Variants in PCDHA11 observed in about 807,000 individuals in gnomAD.
The protein encoded by PCDHA11 is protocadherin alpha 11.
In PCDHA11, 61 loss-of-function variants were observed where a neutral mutation model predicts 70.3. The ratio of observed to expected loss-of-function variants is 0.87; its 90% CI spans 0.71 to 1.07. PCDHA11 has a LOEUF of 1.07. Among genes scored for constraint, PCDHA11 ranks in the 50% least tolerant of loss-of-function variants. The probability of loss-of-function intolerance (pLI) is 0.00; values close to 1 mark genes in which losing one functional copy is unlikely to be tolerated. For synonymous variants in PCDHA11, 633 were observed against 555.1 expected (o/e 1.14, Z -1.97); for missense variants, 1,324 against 1,237.5 (o/e 1.07, Z -1.05).
Position 140,883,665 on chromosome 5 carries a change from A to G in PCDHA11, c.2391+12171A>G, listed in dbSNP as rs782383703. 3.7e-6 allele frequency: 6 copies of G among 1,613,494 alleles called. No individual in the cohort carries two copies. The African/African-American group carries it at 8.0e-5, about 22-fold the overall frequency. On this transcript the variant is annotated intron_variant, in intron 1 of 3. Transcript: ENST00000398640. ...CCCGAGTACACGGTGTTCGTGAAGG[A>G]AAACAATCCGCCGGGCTGCCACATC...
intron 1 of PCDHA11, among the ~76,000 whole-genome samples, chr5:140,926,081 T>C (rs2153580512): frequency 6.6e-6 from 1 of 152,334 alleles, no homozygotes; most frequent in Admixed American, 6.5e-5. Flanking sequence ...TCTATTGCCC[T>C]CTTGGCAGCT....
At position 140,877,744 on chromosome 5, in the gene PCDHA11, G is replaced by T. The variant is rs200651425; in HGVS notation, c.2391+6250G>T. ...TTACTCGCAGCAGAGGAGGCAGAGG[G>T]TGTGCTCTGCAGAGAGCCCGCCCAA... On this transcript the variant is annotated intron_variant, in intron 1 of 3. Coordinates refer to ENST00000398640, the MANE Select transcript of PCDHA11 (RefSeq NM_018902.5). The T allele has an allele frequency of 3.3e-3, 5,393 of 1,614,198 alleles. 26 individuals carry two copies. Among genetic ancestry groups the T allele is most frequent in the South Asian group, 0.011 (995 of 91,084 alleles).
Position 140,869,675 on chromosome 5 carries a change from G to C in PCDHA11, c.572G>C (p.Arg191Thr), listed in dbSNP as rs1040647730. 3 of 1,613,268 alleles carry C rather than the reference G, an allele frequency of 1.9e-6. No homozygotes were observed. The South Asian group carries it at 3.3e-5, about 18-fold the overall frequency. ...DSPTNGKQIK[R>T]LSLILKKSLD... is the part of the protein sequence containing the mutation. Reference sequence around the variant, plus strand: ...CCAACAAATGGTAAGCAGATTAAAAGACTGTCACTTATTTTAAAGAAGTCT... The same window carrying C: ...CCAACAAATGGTAAGCAGATTAAAACACTGTCACTTATTTTAAAGAAGTCT... Residue 191 changes from arginine to threonine, a missense_variant, in exon 1 of 4, where the codon AGA (arginine) becomes ACA (threonine). By Grantham distance (71) the Arg-to-Thr change is moderately conservative. Transcript: ENST00000398640.
At chr5:140,971,689 T>C (rs149234216) in intron 1 of PCDHA11, among the ~76,000 whole-genome samples, 1 of 152,306 alleles carries the variant, frequency 6.6e-6, no homozygotes, top group East Asian at 1.9e-4. Context: ...GAATTTGTAC[T>C]CACTAACCAC....
chr5:140,887,456 A>G (rs1291884808), intron 1 of PCDHA11, among the ~76,000 whole-genome samples: 1 of 152,138 alleles, frequency 6.6e-6, no homozygotes, highest in Non-Finnish European at 1.5e-5. Flanking sequence ...CAGTTTTTTA[A>G]AAGATATAAT....
rs1246532449 is a variant in PCDHA11, at chr5:140,871,438, C to G, written c.2335C>G (p.Leu779Val). ...CTTCAGCCCCAGTCTTCCTCTAGGT[C>G]TGAATAAAGAGGAGGAAGGGGAAAG... ...MAFSPSLPLG[L>V]NKEEEGERQE... The change falls in exon 1 of 4, where the codon CTG becomes GTG. Residue 779 changes from leucine to valine, a missense_variant. By Grantham distance (32) the Leu-to-Val change is conservative (BLOSUM62 1). Transcript: ENST00000398640. The G allele has an allele frequency of 1.9e-6, 3 of 1,611,836 alleles. No individual in the cohort carries two copies. The highest frequency in any genetic ancestry group is 1.7e-4 in the Middle Eastern group (1 of 6,060).
intron 1 of PCDHA11, chr5:140,928,163 C>A: frequency 6.2e-7 from 1 of 1,614,204 alleles, no homozygotes; most frequent in Non-Finnish European, 8.5e-7. Flanking sequence ...GGCTCACCCC[C>A]ACTTAGCACC....
intron 3 of PCDHA11, among the ~76,000 whole-genome samples, chr5:140,998,105 A>G (rs1554256162): frequency 6.6e-6 from 1 of 152,204 alleles, no homozygotes; most frequent in African/African-American, 2.4e-5. Context: ...CAAACAGAGG[A>G]GAAAATTTAC....
In PCDHA11 at chr5:140,884,156, G is replaced by C. The variant is rs1554181298; in HGVS notation, c.2391+12662G>C. 1 of 1,613,448 alleles carries C rather than the reference G, an allele frequency of 6.2e-7. No homozygotes were observed. Among genetic ancestry groups the C allele is most frequent in the Admixed American group, 1.7e-5 (1 of 60,012 alleles). On this transcript the variant is annotated intron_variant, in intron 1 of 3. Transcript: ENST00000398640. ...GTTCCGCGTGGGGCTGTACACTGGC[G>C]AGATCAGCACGACGCGCCCTCTGGA...
At chr5:140,885,070 T>C (rs1253345040) in intron 1 of PCDHA11, among the ~76,000 whole-genome samples, 1 of 152,232 alleles carries the variant, frequency 6.6e-6, no homozygotes, top group African/African-American at 2.4e-5. Flanking sequence ...CAAGATATTA[T>C]TTTAAAGAGC....
intron 1 of PCDHA11, among the ~76,000 whole-genome samples, chr5:140,957,708 T>TA (rs1330263414): frequency 6.6e-6 from 1 of 152,124 alleles, no homozygotes; most frequent in Non-Finnish European, 1.5e-5. Context: ...ATGTAGTTTT[T>TA]ATTAAGAAAG....
chr5:140,988,551 ATCT>A (rs1472655983), intron 3 of PCDHA11, among the ~76,000 whole-genome samples: 4 of 152,158 alleles, frequency 2.6e-5, no homozygotes, highest in South Asian at 2.1e-4. Flanking sequence ...GACTTTCTTC[ATCT>A]TCTTCTTGGG....
rs782644684 is a variant in PCDHA11 at position 140,870,861 on chromosome 5, G to C, written c.1758G>C (p.Ala586=). The C allele has an allele frequency of 1.9e-6, 3 of 1,613,770 alleles. No individual in the cohort carries two copies. The African/African-American group carries it at 4.0e-5, about 22-fold the overall frequency. ...AGCTAGTACCGCGGTCGGTGGGTGC[G>C]GGCCACGTGGTGGCGAAGGTGCGCG... ...VNKLVPRSVG[A]GHVVAKVRAV... The change falls in exon 1 of 4, where the codon GCG becomes GCC. Residue 586 remains alanine, a synonymous_variant. Coordinates refer to ENST00000398640, the MANE Select transcript of PCDHA11 (RefSeq NM_018902.5).
chr5:140,980,039 C>T (rs2096874436), intron 2 of PCDHA11, among the ~76,000 whole-genome samples: 1 of 152,184 alleles, frequency 6.6e-6, no homozygotes, highest in South Asian at 2.1e-4. Context: ...ACATTGGGTG[C>T]TATTTCTGAT....
At chr5:140,888,700 T>C (rs534278841) in intron 1 of PCDHA11, among the ~76,000 whole-genome samples, 2 of 152,274 alleles carry the variant, frequency 1.3e-5, no homozygotes, top group Non-Finnish European at 2.9e-5. Flanking sequence ...CTCTGATTGG[T>C]AGGAATGTGA....
chr5:140,898,422 C>T (rs1554187981), intron 1 of PCDHA11, among the ~76,000 whole-genome samples: 2 of 152,278 alleles, frequency 1.3e-5, no homozygotes, highest in East Asian at 3.9e-4. Context: ...AGCCAGTTTT[C>T]CCAGCACCAT....
intron 1 of PCDHA11, among the ~76,000 whole-genome samples, chr5:140,961,425 T>G (rs2095610907): frequency 6.6e-6 from 1 of 152,226 alleles, no homozygotes; most frequent in Admixed American, 6.5e-5. Context: ...TTTAAACAAT[T>G]ACAAAATCAC....
intron 3 of PCDHA11, among the ~76,000 whole-genome samples, chr5:140,985,476 T>C (rs1554247100): frequency 6.6e-6 from 1 of 152,162 alleles, no homozygotes; most frequent in Admixed American, 6.6e-5. Flanking sequence ...ATTTGGTTGT[T>C]TCCAGACTCA....
At chr5:140,889,387 C>G (rs1174974313) in intron 1 of PCDHA11, among the ~76,000 whole-genome samples, 1 of 151,966 alleles carries the variant, frequency 6.6e-6, no homozygotes, top group East Asian at 1.9e-4. Context: ...AAGGACCATT[C>G]AGAGTTTAAT....
Sources: allele counts gnomAD v4.1 joint callset (sites outside exome capture counted in the v4.1 genomes callset), GRCh38; gene constraint gnomAD v4.1.1; transcripts MANE v1.5; gene names NCBI Gene and HGNC (gene_info 2026-07-23, HGNC 2026-07-21).